Variants in PLCB1 observed in about 807,000 individuals in gnomAD.
PLCB1 encodes the protein 1-phosphatidylinositol 4,5-bisphosphate phosphodiesterase beta-1.
PLCB1 carries 46 observed loss-of-function variants against 161.8 expected under a neutral mutation model. That is an observed-to-expected ratio of 0.28 (90% CI 0.22 to 0.36). The LOEUF is 0.36. Ranked by LOEUF, PLCB1 falls within the 10% of genes least tolerant of loss-of-function variation. The probability of loss-of-function intolerance (pLI) is 1.00; values close to 1 mark genes in which losing one functional copy is unlikely to be tolerated. For missense variants in PLCB1, 1,016 were observed against 1,472.5 expected, an observed-to-expected ratio of 0.69 and a Z score of 5.07; for synonymous variants, 517 against 503.7, an observed-to-expected ratio of 1.03 and a Z score of -0.35.
intron 31 of PLCB1, among the ~76,000 whole-genome samples, chr20:8,865,684 T>C (rs2146318589): frequency 6.6e-6 from 1 of 152,330 alleles, no homozygotes; most frequent in Non-Finnish European, 1.5e-5. Context: ...AGGATCTTGC[T>C]GGAAAGGGGA....
intron 3 of PLCB1, among the ~76,000 whole-genome samples, chr20:8,528,385 C>G (rs1466959915): frequency 1.3e-5 from 2 of 151,890 alleles, no homozygotes; most frequent in African/African-American, 2.4e-5. Flanking sequence ...ATGAATAGAT[C>G]TAAAAAAAGT....
intron 2 of PLCB1, among the ~76,000 whole-genome samples, chr20:8,214,423 C>G (rs576464375): frequency 6.6e-6 from 1 of 152,090 alleles, no homozygotes; most frequent in Non-Finnish European, 1.5e-5. Flanking sequence ...TCCCACCATG[C>G]GAGACCCCTC....
intron 3 of PLCB1, among the ~76,000 whole-genome samples, chr20:8,586,314 C>G: frequency 6.6e-6 from 1 of 151,794 alleles, no homozygotes. Context: ...CTCTCTAATT[C>G]TTCTGACACT....
chr20:8,340,623 A>T (rs1985770300), intron 2 of PLCB1, among the ~76,000 whole-genome samples: 1 of 151,770 alleles, frequency 6.6e-6, no homozygotes, highest in Admixed American at 6.6e-5. Context: ...ACGGGGTTTC[A>T]CTGTGTTAGC....
At chr20:8,685,280 C>G (rs1990332888) in intron 10 of PLCB1, among the ~76,000 whole-genome samples, 1 of 150,818 alleles carries the variant, frequency 6.6e-6, no homozygotes, top group Non-Finnish European at 1.5e-5. Flanking sequence ...AGCATCATTT[C>G]TCCACAGCCT....
chr20:8,594,247 G>A (rs561162320), intron 3 of PLCB1, among the ~76,000 whole-genome samples: 3 of 152,216 alleles, frequency 2.0e-5, no homozygotes, highest in African/African-American at 7.2e-5. Context: ...TCTGTTTGAT[G>A]TATTCTAAAC....
intron 3 of PLCB1, among the ~76,000 whole-genome samples, chr20:8,472,731 T>C (rs1184089774): frequency 6.6e-6 from 1 of 151,944 alleles, no homozygotes; most frequent in Non-Finnish European, 1.5e-5. Flanking sequence ...CACCCAAGTA[T>C]GGTGAAGAAT....
chr20:8,448,795 A>C (rs1189143672), intron 3 of PLCB1, among the ~76,000 whole-genome samples: 1 of 152,202 alleles, frequency 6.6e-6, no homozygotes, highest in African/African-American at 2.4e-5. Flanking sequence ...TGAGGACAAA[A>C]AGTAAAGGAT....
intron 9 of PLCB1, among the ~76,000 whole-genome samples, chr20:8,674,569 T>A (rs1455958978): frequency 6.6e-6 from 1 of 152,158 alleles, no homozygotes; most frequent in East Asian, 1.9e-4. Flanking sequence ...GAGGAGGAAC[T>A]CTCTAAGGCT....
At chr20:8,696,539 TG>T (rs1990589608) in intron 10 of PLCB1, among the ~76,000 whole-genome samples, 1 of 152,160 alleles carries the variant, frequency 6.6e-6, no homozygotes, top group Non-Finnish European at 1.5e-5. Flanking sequence ...CAAAAAATCC[TG>T]GTGAGATTTT....
At chr20:8,522,109 C>T (rs1984374852) in intron 3 of PLCB1, among the ~76,000 whole-genome samples, 1 of 152,108 alleles carries the variant, frequency 6.6e-6, no homozygotes, top group Admixed American at 6.5e-5. Context: ...CCCATGCACC[C>T]TAAAGCTGGT....
chr20:8,548,761 TTTTA>T (rs1471586658), intron 3 of PLCB1, among the ~76,000 whole-genome samples: 2 of 111,100 alleles, frequency 1.8e-5, no homozygotes, highest in Non-Finnish European at 4.1e-5. Context: ...TATTACTTAA[TTTTA>T]TGTTCCATGT....
chr20:8,481,098 T>C (rs1419488423), intron 3 of PLCB1, among the ~76,000 whole-genome samples: 1 of 151,916 alleles, frequency 6.6e-6, no homozygotes, highest in Non-Finnish European at 1.5e-5. Context: ...AGAGCAAGAC[T>C]TAATCCCCCT....
At chr20:8,534,243 A>G (rs1449470664) in intron 3 of PLCB1, among the ~76,000 whole-genome samples, 3 of 152,170 alleles carry the variant, frequency 2.0e-5, no homozygotes, top group Admixed American at 1.3e-4. Flanking sequence ...GACTACAGGT[A>G]CAGGCGCTGC....
At chr20:8,219,340 A>T (rs1361236058) in intron 2 of PLCB1, among the ~76,000 whole-genome samples, 1 of 152,146 alleles carries the variant, frequency 6.6e-6, no homozygotes, top group Non-Finnish European at 1.5e-5. Context: ...TTATTTTCTT[A>T]TACGTATTTG....
intron 3 of PLCB1, among the ~76,000 whole-genome samples, chr20:8,376,887 C>T (rs1180611328): frequency 6.6e-6 from 1 of 151,700 alleles, no homozygotes; most frequent in African/African-American, 2.4e-5. Flanking sequence ...AAGATCACAC[C>T]ACTGCCCTCC....
chr20:8,798,194 A>G (rs1984118855), intron 31 of PLCB1, among the ~76,000 whole-genome samples: 2 of 136,212 alleles, frequency 1.5e-5, no homozygotes, highest in Non-Finnish European at 1.6e-5. Context: ...AAGACTCTAT[A>G]TCGAAAAAAA....
chr20:8,428,254 T>C (rs977916181), intron 3 of PLCB1, among the ~76,000 whole-genome samples: 1 of 151,868 alleles, frequency 6.6e-6, no homozygotes, highest in African/African-American at 2.4e-5. Flanking sequence ...AGAGTCTCAC[T>C]CTGTTGCCCA....
chr20:8,223,289 A>G (rs1979510734), intron 2 of PLCB1, among the ~76,000 whole-genome samples: 1 of 152,178 alleles, frequency 6.6e-6, no homozygotes, highest in South Asian at 2.1e-4. Flanking sequence ...AGCTCTATTT[A>G]GAACAGTCTG....
Sources: gnomAD v4.1 joint callset for allele counts (sites outside exome capture counted in the v4.1 genomes callset) on GRCh38, gnomAD v4.1.1 for gene constraint, MANE v1.5 for transcripts, NCBI Gene and HGNC (gene_info 2026-07-23, HGNC 2026-07-21) for gene names.